ADK: variants seen among roughly 807,000 people sequenced by gnomAD.
ADK encodes the protein N6,N6-dimethyladenosine kinase.
In ADK, 24 loss-of-function variants were observed where a neutral mutation model predicts 44.7. The observed-to-expected ratio is 0.54, with a 90% CI of 0.39 to 0.76. The LOEUF (loss-of-function observed/expected upper bound fraction) is 0.76, where lower values mean the gene tolerates loss of function less well. Among genes scored for constraint, ADK ranks in the 30% least tolerant of loss-of-function variants. The pLI is 0.00. For missense variants in ADK, 321 were observed against 425.1 expected (o/e 0.76, Z 2.15); for synonymous variants, 128 against 142.6 (o/e 0.90, Z 0.73).
chr10:74,448,767 C>T (rs1274983208), intron 6 of ADK, among the ~76,000 whole-genome samples: 1 of 151,948 alleles, frequency 6.6e-6, no homozygotes, highest in Non-Finnish European at 1.5e-5. Flanking sequence ...TACCAGTTCT[C>T]GCTTATATAC....
intron 3 of ADK, among the ~76,000 whole-genome samples, chr10:74,289,200 A>G (rs1352255769): frequency 6.6e-6 from 1 of 152,146 alleles, no homozygotes; most frequent in Non-Finnish European, 1.5e-5. Context: ...AGGAACTACA[A>G]TTTATTTATT....
intron 6 of ADK, among the ~76,000 whole-genome samples, chr10:74,440,661 G>C (rs1187889660): frequency 6.6e-6 from 1 of 151,884 alleles, no homozygotes; most frequent in Non-Finnish European, 1.5e-5. Flanking sequence ...AAAATCTCTG[G>C]CCTAGTCAAA....
chr10:74,199,192 G>T lies in ADK; in HGVS notation c.66-1572G>T, dbSNP rs540644403. Among the ~76,000 whole-genome samples, 4 of 152,264 alleles carry T rather than the reference G, an allele frequency of 2.6e-5. No individual in the cohort carries two copies. The South Asian group carries it at 8.3e-4, about 32-fold the overall frequency. Reference sequence around the variant, plus strand: ...TGTACTCTTCCAGGATGTGCCACGGGCTCCCTAATAACATTCAGGGGAGTG... The same window carrying T: ...TGTACTCTTCCAGGATGTGCCACGGTCTCCCTAATAACATTCAGGGGAGTG... On this transcript the variant is annotated intron_variant, in intron 1 of 10. Transcript: ENST00000539909.
At chr10:74,450,660 TTTAG>T (rs1334013407) in intron 6 of ADK, among the ~76,000 whole-genome samples, 13 of 152,324 alleles carry the variant, frequency 8.5e-5, no homozygotes, top group South Asian at 6.2e-4. Flanking sequence ...GAAGTTAATG[TTTAG>T]TTATTTTGTT....
chr10:74,159,214 C>G (rs183433476), intron 1 of ADK, among the ~76,000 whole-genome samples: 1 of 152,160 alleles, frequency 6.6e-6, no homozygotes, highest in African/African-American at 2.4e-5. Context: ...ACTTTCATTG[C>G]ATGCATGCTG....
chr10:74,547,484 ATT>A (rs71024514), intron 7 of ADK, among the ~76,000 whole-genome samples: 1 of 122,284 alleles, frequency 8.2e-6, no homozygotes, highest in Non-Finnish European at 1.7e-5. Context: ...TTATTTTATT[ATT>A]TTTTTTTTTT....
chr10:74,617,005 T>C (rs541946968), intron 9 of ADK, among the ~76,000 whole-genome samples: 1 of 152,168 alleles, frequency 6.6e-6, no homozygotes, highest in Non-Finnish European at 1.5e-5. Flanking sequence ...TTTCTATTTG[T>C]TTTTTACTGG....
At chr10:74,320,004 A>G (rs1007001538) in intron 4 of ADK, among the ~76,000 whole-genome samples, 2 of 152,206 alleles carry the variant, frequency 1.3e-5, no homozygotes, top group Non-Finnish European at 2.9e-5. Flanking sequence ...ATTACAAACC[A>G]AAAGTTCAGT....
intron 7 of ADK, chr10:74,527,510 G>A: frequency 4.8e-6 from 3 of 620,678 alleles, no homozygotes; most frequent in Non-Finnish European, 8.8e-6. Flanking sequence ...AGAATGTGGA[G>A]GGACCTTTTG....
At chr10:74,485,049 T>C (rs1847216761) in intron 6 of ADK, among the ~76,000 whole-genome samples, 1 of 152,028 alleles carries the variant, frequency 6.6e-6, no homozygotes, top group Non-Finnish European at 1.5e-5. Flanking sequence ...CACATTAAAA[T>C]TAAGAGCCTT....
At chr10:74,207,454 G>A (rs2042404721) in intron 2 of ADK, among the ~76,000 whole-genome samples, 1 of 152,174 alleles carries the variant, frequency 6.6e-6, no homozygotes, top group South Asian at 2.1e-4. Flanking sequence ...TGAGGTATGG[G>A]GACAACTGGA....
intron 6 of ADK, among the ~76,000 whole-genome samples, chr10:74,420,181 A>T (rs1426369901): frequency 1.3e-5 from 2 of 152,160 alleles, no homozygotes; most frequent in Non-Finnish European, 2.9e-5. Flanking sequence ...ACAACCTGTA[A>T]TATGTGATAC....
intron 6 of ADK, among the ~76,000 whole-genome samples, chr10:74,477,774 A>G (rs1285788476): frequency 1.3e-5 from 2 of 152,178 alleles, no homozygotes; most frequent in Non-Finnish European, 2.9e-5. Flanking sequence ...TCTGTAACCA[A>G]ACATATTCTC....
At chr10:74,509,871 A>G (rs1848236162) in intron 6 of ADK, among the ~76,000 whole-genome samples, 1 of 152,144 alleles carries the variant, frequency 6.6e-6, no homozygotes, top group African/African-American at 2.4e-5. Flanking sequence ...CACTTAACAT[A>G]ATGTCCTCCA....
chr10:74,496,841 A>G (rs1847704842), intron 6 of ADK, among the ~76,000 whole-genome samples: 1 of 152,230 alleles, frequency 6.6e-6, no homozygotes. Context: ...ACTTAAAAAT[A>G]GCTAAGTCCT....
intron 7 of ADK, among the ~76,000 whole-genome samples, chr10:74,569,317 G>T (rs573080840): frequency 3.9e-5 from 6 of 152,232 alleles, no homozygotes; most frequent in African/African-American, 1.4e-4. Flanking sequence ...GGGTCAAATG[G>T]TATTTCTAGT....
At chr10:74,302,281 C>T (rs1038878612) in intron 3 of ADK, among the ~76,000 whole-genome samples, 6 of 151,224 alleles carry the variant, frequency 4.0e-5, no homozygotes, top group Non-Finnish European at 8.9e-5. Context: ...ACCACCATGC[C>T]TGGCTAATTT....
chr10:74,245,368 GC>G (rs1436509802), intron 3 of ADK, among the ~76,000 whole-genome samples: 1 of 151,970 alleles, frequency 6.6e-6, no homozygotes, highest in Non-Finnish European at 1.5e-5. Context: ...TTGTTTCATA[GC>G]ATTTGTCTTT....
At chr10:74,293,201 T>C (rs1200304232) in intron 3 of ADK, among the ~76,000 whole-genome samples, 1 of 148,978 alleles carries the variant, frequency 6.7e-6, no homozygotes, top group African/African-American at 2.5e-5. Flanking sequence ...AAAGGAAATA[T>C]TATTTGCAGG....
Sources: gnomAD v4.1 joint callset for allele counts (sites outside exome capture counted in the v4.1 genomes callset) on GRCh38, gnomAD v4.1.1 for gene constraint, MANE v1.5 for transcripts, NCBI Gene and HGNC (gene_info 2026-07-23, HGNC 2026-07-21) for gene names.